PTPRG: variants seen among roughly 807,000 people sequenced by gnomAD.
PTPRG encodes the protein receptor-type tyrosine-protein phosphatase gamma.
Under a neutral mutation model 165.3 loss-of-function variants are expected in PTPRG, and 102 were observed. That is an observed-to-expected ratio of 0.62 (90% CI 0.53 to 0.73). PTPRG has a LOEUF of 0.73. Ranked by LOEUF, PTPRG falls within the 30% of genes least tolerant of loss-of-function variation. PTPRG has a pLI of 0.00. For missense variants in PTPRG, 1,866 were observed against 1,861.4 expected, an observed-to-expected ratio of 1.00 and a Z score of -0.05; for synonymous variants, 675 against 669.5, an observed-to-expected ratio of 1.01 and a Z score of -0.13.
At chr3:61,942,356 G>A (rs935437198) in intron 2 of PTPRG, among the ~76,000 whole-genome samples, 4 of 152,064 alleles carry the variant, frequency 2.6e-5, no homozygotes, top group Non-Finnish European at 5.9e-5. Flanking sequence ...GAGTTAAGAG[G>A]AAGTGAAATG....
At position 62,203,634 on chromosome 3, in the gene PTPRG, C is replaced by A. The variant is rs150936656; in HGVS notation, c.1839C>A (p.His613Gln). 1.3e-6 allele frequency: 2 copies of A among 1,556,380 alleles called. No individual in the cohort carries two copies. The highest frequency in any genetic ancestry group is 1.2e-5 in the South Asian group (1 of 84,462). The stretch of plus-strand genomic sequence containing the variant: ...AGAAGGAGAAGAGTGGGGTGACCCA[C>A]GCTGCCGAGGAGCGGAATCAGACGG... ...SEKKEKSGVT[H>Q]AAEERNQTEP... Residue 613 changes from histidine (H) to glutamine (Q), a missense_variant, in exon 12 of 30, where the codon CAC (histidine) becomes CAA (glutamine). Physicochemically the swap from His to Gln is conservative, Grantham distance 24 (BLOSUM62 0). Transcript: ENST00000474889. This position sits in a 1 kb window ranked among gnomAD's most constrained non-coding sequence, Gnocchi z 6.4.
chr3:61,929,928 A>G (rs2039317280), intron 2 of PTPRG, among the ~76,000 whole-genome samples: 1 of 152,230 alleles, frequency 6.6e-6, no homozygotes, highest in Non-Finnish European at 1.5e-5. Context: ...AAGGACATTG[A>G]ATTGTCAGTA....
At chr3:62,168,637 A>T (rs1240309869) in intron 8 of PTPRG, among the ~76,000 whole-genome samples, 2 of 152,060 alleles carry the variant, frequency 1.3e-5, no homozygotes, top group African/African-American at 4.8e-5. Flanking sequence ...CACATAAGGG[A>T]GGGGGAGCAC....
intron 13 of PTPRG, among the ~76,000 whole-genome samples, chr3:62,225,424 G>A (rs550541599): frequency 6.6e-6 from 1 of 152,278 alleles, no homozygotes; most frequent in South Asian, 2.1e-4. Flanking sequence ...GCTAGGGGGT[G>A]CAACTTATTA....
intron 1 of PTPRG, among the ~76,000 whole-genome samples, chr3:61,597,209 C>G (rs2106836691): frequency 6.6e-6 from 1 of 152,304 alleles, no homozygotes; most frequent in African/African-American, 2.4e-5. Flanking sequence ...TTATGCTCCA[C>G]CCAACACTGC....
intron 1 of PTPRG, among the ~76,000 whole-genome samples, chr3:61,645,337 C>T (rs115441718): frequency 0.015 from 2,319 of 152,330 alleles, 27 homozygotes; most frequent in Non-Finnish European, 0.025. Context: ...TTGTTTGGAA[C>T]TCCTTTCTAG....
At chr3:62,028,304 A>G (rs936165771) in intron 4 of PTPRG, among the ~76,000 whole-genome samples, 2 of 152,196 alleles carry the variant, frequency 1.3e-5, no homozygotes, top group Non-Finnish European at 1.5e-5. Context: ...GTTTCTGGCA[A>G]TGATACGCTA....
At chr3:61,835,787 C>A (rs2036439599) in intron 2 of PTPRG, among the ~76,000 whole-genome samples, 1 of 151,738 alleles carries the variant, frequency 6.6e-6, no homozygotes, top group South Asian at 2.1e-4. Flanking sequence ...ACCTGTAATC[C>A]CAGCACTTTG....
Position 62,090,337 on chromosome 3 carries a change from G to GT in PTPRG, c.615+12088dup, listed in dbSNP as rs796747795. On this transcript the variant is annotated intron_variant, in intron 5 of 29. Coordinates refer to ENST00000474889, the MANE Select transcript of PTPRG (RefSeq NM_002841.4). ...AGGTGGCTGCCAGACACTAGTTCTAGTTTTTTTTTAAACTGAACCGATTAT... is the reference window on the plus strand; with the variant it reads ...AGGTGGCTGCCAGACACTAGTTCTAGTTTTTTTTTTAAACTGAACCGATTAT... Among the ~76,000 whole-genome samples, 288 of 151,636 alleles carry GT rather than the reference G, an allele frequency of 1.9e-3. 1 individual carries two copies. The highest frequency in any genetic ancestry group is 6.4e-3 in the African/African-American group (266 of 41,346).
rs550764190 is a variant in PTPRG at position 62,239,141 on chromosome 3, A to G, written c.2376-4666A>G. ...ATCTATTTCATTGATTTCCCTTTTT[A>G]GGGTACTTACATATACAAATGTTCA... On this transcript the variant is annotated intron_variant, in intron 14 of 29. Coordinates refer to ENST00000474889, the MANE Select transcript of PTPRG (RefSeq NM_002841.4). Among the ~76,000 whole-genome samples, 18 of 152,232 alleles carry G rather than the reference A, an allele frequency of 1.2e-4. No individual in the cohort carries two copies. The East Asian group carries it at 2.1e-3, about 18-fold the overall frequency.
intron 2 of PTPRG, among the ~76,000 whole-genome samples, chr3:61,851,334 T>G (rs1348886423): frequency 1.3e-5 from 2 of 152,158 alleles, no homozygotes; most frequent in Non-Finnish European, 2.9e-5. Context: ...ATGGGTCTAT[T>G]TTATAGGAGG....
At chr3:61,625,029 G>A (rs1701568939) in intron 1 of PTPRG, among the ~76,000 whole-genome samples, 2 of 151,722 alleles carry the variant, frequency 1.3e-5, no homozygotes, top group Non-Finnish European at 2.9e-5. Context: ...TTCTGCCTGT[G>A]TCACTTTGTG....
chr3:62,036,021 T>C (rs1442260558), intron 4 of PTPRG, among the ~76,000 whole-genome samples: 2 of 149,348 alleles, frequency 1.3e-5, no homozygotes, highest in Non-Finnish European at 3.0e-5. Flanking sequence ...CAGTGCTCTG[T>C]GCATTTGGAA....
Position 62,191,612 on chromosome 3 carries a change from G to T in PTPRG, c.1177G>T (p.Glu393Ter). ...CTACAGCTGGACCAAGAATGAGGAC[G>T]AGAAGGAGAAGACGTTTACAAAGGA... ...ISYSWTKNEDEKEKTFTKDSD... is the reference protein window; with the variant it reads ...ISYSWTKNED Residue 393 changes from glutamate (E) to a stop codon, truncating the protein, a stop_gained, in exon 9 of 30, where the codon GAG (glutamate) becomes TAG (stop). Transcript: ENST00000474889. LOFTEE classifies it high-confidence loss of function. The T allele has an allele frequency of 6.2e-7, 1 of 1,614,160 alleles. No homozygotes were observed. The highest frequency in any genetic ancestry group is 1.3e-5 in the African/African-American group (1 of 75,036).
At chr3:62,192,222 C>G (rs1047513206) in intron 9 of PTPRG, among the ~76,000 whole-genome samples, 2 of 151,928 alleles carry the variant, frequency 1.3e-5, no homozygotes, top group Non-Finnish European at 2.9e-5. Flanking sequence ...TCTCTTTTCT[C>G]AGATACTCAA....
intron 17 of PTPRG, 64 bp downstream of exon 17, chr3:62,262,958 G>T: frequency 8.0e-7 from 1 of 1,256,526 alleles, no homozygotes; most frequent in Non-Finnish European, 1.1e-6. Flanking sequence ...CTGGGTATAA[G>T]CTGAAAGCCA....
intron 1 of PTPRG, among the ~76,000 whole-genome samples, chr3:61,723,461 A>G (rs1160690906): frequency 1.3e-5 from 2 of 152,150 alleles, no homozygotes; most frequent in Non-Finnish European, 2.9e-5. Context: ...CCATGGTTTC[A>G]TTGTCTTTAA....
At chr3:61,902,086 A>G (rs927968106) in intron 2 of PTPRG, among the ~76,000 whole-genome samples, 4 of 152,106 alleles carry the variant, frequency 2.6e-5, no homozygotes, top group Middle Eastern at 6.3e-3. Context: ...TATACACTGA[A>G]TTGTTGGTTA....
At chr3:61,674,397 G>A (rs1446099876) in intron 1 of PTPRG, among the ~76,000 whole-genome samples, 3 of 146,516 alleles carry the variant, frequency 2.0e-5, no homozygotes, top group African/African-American at 7.5e-5. Flanking sequence ...TGAGGTGGGA[G>A]GATTGCTTGA....
Sources: allele counts gnomAD v4.1 joint callset (sites outside exome capture counted in the v4.1 genomes callset), GRCh38; gene constraint gnomAD v4.1.1; non-coding constraint Gnocchi (gnomAD v3.1); transcripts MANE v1.5; gene names NCBI Gene and HGNC (gene_info 2026-07-23, HGNC 2026-07-21).